The following MTMR3 variants were observed in gnomAD, a reference collection of about 807,000 sequenced individuals.
MTMR3 encodes the protein phosphatidylinositol-3,5-bisphosphate 3-phosphatase MTMR3.
In MTMR3, 32 loss-of-function variants were observed where a neutral mutation model predicts 132.4. The ratio of observed to expected loss-of-function variants is 0.24; its 90% CI spans 0.18 to 0.32. The LOEUF is 0.32. Among genes scored for constraint, MTMR3 ranks in the 10% least tolerant of loss-of-function variants. The pLI is 1.00. For synonymous variants in MTMR3, 556 were observed against 550.3 expected (o/e 1.01, Z -0.14); for missense variants, 1,216 against 1,489.6 (o/e 0.82, Z 3.02).
chr22:29,987,397 C>T (rs1019670272), intron 5 of MTMR3: 1 of 152,214 alleles, frequency 6.6e-6, no homozygotes, highest in Non-Finnish European at 1.5e-5. Flanking sequence ...TTGGAGGAGA[C>T]TGTCCTCCTC....
intron 1 of MTMR3, among the ~76,000 whole-genome samples, chr22:29,944,117 C>T (rs2065909931): frequency 1.3e-5 from 2 of 151,982 alleles, no homozygotes; most frequent in African/African-American, 4.8e-5. Context: ...CTGCATCCGG[C>T]CTCCGTGTGG....
At chr22:30,012,770 A>G (rs2067465999) in intron 13 of MTMR3, 1 of 487,730 alleles carries the variant, frequency 2.1e-6, no homozygotes. Flanking sequence ...ATGGGTAACA[A>G]GGTATTGAGA....
intron 1 of MTMR3, among the ~76,000 whole-genome samples, chr22:29,954,018 A>G (rs57348516): frequency 0.084 from 11,286 of 134,000 alleles, 507 homozygotes; most frequent in African/African-American, 0.1. Flanking sequence ...CTTCTTTCAG[A>G]CTCACCTCTA....
chr22:29,959,673 T>C (rs1363522607), intron 2 of MTMR3, among the ~76,000 whole-genome samples: 1 of 152,138 alleles, frequency 6.6e-6, no homozygotes, highest in Non-Finnish European at 1.5e-5. Flanking sequence ...GCCACTGTGC[T>C]GGCCAGAAAC....
chr22:29,997,812 T>G (rs907997013), intron 7 of MTMR3: 1 of 152,234 alleles, frequency 6.6e-6, no homozygotes, highest in Non-Finnish European at 1.5e-5. Flanking sequence ...TGAGCTGACA[T>G]GAGGCTATTT....
chr22:29,978,511 C>G lies in MTMR3; in HGVS notation c.73C>G (p.Arg25Gly). 6.2e-7 allele frequency: 1 copy of G among 1,613,244 alleles called. No individual in the cohort carries two copies. Among genetic ancestry groups the G allele is most frequent in the Non-Finnish European group, 8.5e-7 (1 of 1,179,482 alleles). The change falls in exon 4 of 20, where the codon CGG becomes GGG. Residue 25 changes from arginine to glycine, a missense_variant. Arg to Gly is a moderately radical substitution (Grantham distance 125). Transcript: ENST00000401950. ...NQIFPRKQLIREDENLQVPFL... is the reference protein window; with the variant it reads ...NQIFPRKQLIGEDENLQVPFL... The stretch of plus-strand genomic sequence containing the variant: ...GATCTTTCCCAGGAAGCAGCTGATC[C>G]GGGAGGATGAGAATCTTCAGGTAAT...
rs11331318 is a variant in MTMR3 at position 29,951,889 on chromosome 22, G to GTTT, written c.-137-5131_-137-5129dup. Among the ~76,000 whole-genome samples the GTTT allele has an allele frequency of 6.2e-3, 813 of 131,352 alleles. 16 individuals carry two copies. The highest frequency in any genetic ancestry group is 0.011 in the East Asian group (48 of 4,256). The allele number at this position is 131,352 out of a possible 152,430, so 86.2% of individuals were successfully genotyped here. A position where few individuals can be genotyped will look rare whatever the true frequency, so the allele number is the denominator to read the frequency against. ...TTCAAGTGATTTATTACAAGTAAAG[G>GTTT]TTTTTTTTTTTTTTTTTTGAGACAG... On this transcript the variant is annotated intron_variant, in intron 1 of 19. Coordinates refer to ENST00000401950, the MANE Select transcript of MTMR3 (RefSeq NM_021090.4).
At chr22:29,903,260 T>C (rs1013355177) in intron 1 of MTMR3, among the ~76,000 whole-genome samples, 22 of 152,080 alleles carry the variant, frequency 1.4e-4, no homozygotes, top group African/African-American at 5.1e-4. Context: ...GAAAAGAGTT[T>C]GCAGGCCATT....
In MTMR3 at chr22:30,016,424, T is replaced by C. The variant is rs1348137958; in HGVS notation, c.1504-104T>C. The C allele has an allele frequency of 3.0e-6, 4 of 1,313,012 alleles. No homozygotes were observed. The African/African-American group carries it at 4.4e-5, about 15-fold the overall frequency. 81.3% of individuals were successfully genotyped at this position (1,313,012 alleles called of 1,614,324 possible). On this transcript the variant is annotated intron_variant, in intron 14 of 19. Transcript: ENST00000401950. ...GGGTTCCCCGTCCTGACAGAGTAAA[T>C]TGAAGTGTTCTCAGGGATGTTAGGA... is the stretch of plus-strand genomic sequence containing the variant.
intron 1 of MTMR3, among the ~76,000 whole-genome samples, chr22:29,941,058 A>G (rs772455042): frequency 2.7e-4 from 41 of 150,038 alleles, no homozygotes; most frequent in Non-Finnish European, 5.3e-4. Flanking sequence ...TCCTTTATGC[A>G]CCGCTTCTAG....
At position 29,885,109 on chromosome 22, in the gene MTMR3, A is replaced by C. The variant is rs145969090; in HGVS notation, c.-138+1750A>C. Among the ~76,000 whole-genome samples, 245 of 152,280 alleles carry C rather than the reference A, an allele frequency of 1.6e-3. 1 individual carries two copies. Among genetic ancestry groups the C allele is most frequent in the African/African-American group, 5.6e-3 (234 of 41,558 alleles). ...AGGCCAGGTTCTTCAGTGGTTGTCT[A>C]GTTTAAGGCTGGTCATTAGAAATAT... On this transcript the variant is annotated intron_variant, in intron 1 of 19. Coordinates refer to ENST00000401950, the MANE Select transcript of MTMR3 (RefSeq NM_021090.4).
chr22:29,950,317 GT>G (rs148952939), intron 1 of MTMR3, among the ~76,000 whole-genome samples: 4,131 of 151,362 alleles, frequency 0.027, 191 homozygotes, highest in African/African-American at 0.096. Flanking sequence ...AATTATAAGG[GT>G]TTTTTCCTTA....
At chr22:29,950,750 C>G (rs906424230) in intron 1 of MTMR3, among the ~76,000 whole-genome samples, 2 of 137,472 alleles carry the variant, frequency 1.5e-5, no homozygotes, top group Admixed American at 1.4e-4. Context: ...AAAATAATGC[C>G]TACCTTGTGA....
chr22:29,893,491 A>G (rs1197403978), intron 1 of MTMR3, among the ~76,000 whole-genome samples: 3 of 152,222 alleles, frequency 2.0e-5, no homozygotes, highest in Admixed American at 2.0e-4. Flanking sequence ...CTGTGAGTGA[A>G]TGAAAAAGAG....
chr22:29,919,536 G>GT (rs1233335864), intron 1 of MTMR3, among the ~76,000 whole-genome samples: 1 of 151,832 alleles, frequency 6.6e-6, no homozygotes, highest in Non-Finnish European at 1.5e-5. Flanking sequence ...TTTTGGGCAT[G>GT]TTTTTTTTGA....
chr22:30,017,474 T>G, intron 15 of MTMR3: 1 of 160,052 alleles, frequency 6.2e-6, no homozygotes, highest in Non-Finnish European at 1.4e-5. Context: ...AGCAGGAAAA[T>G]TTCCTTCTTT....
At chr22:29,976,718 G>A (rs1423831330) in intron 3 of MTMR3, among the ~76,000 whole-genome samples, 1 of 152,170 alleles carries the variant, frequency 6.6e-6, no homozygotes, top group Non-Finnish European at 1.5e-5. Context: ...ATATTATTGG[G>A]AAGGTTTTGA....
At chr22:29,972,051 G>A (rs1181816550) in intron 3 of MTMR3, among the ~76,000 whole-genome samples, 2 of 152,156 alleles carry the variant, frequency 1.3e-5, no homozygotes, top group Non-Finnish European at 2.9e-5. Flanking sequence ...GAAGAGAAAG[G>A]TAACTGCCCT....
intron 2 of MTMR3, among the ~76,000 whole-genome samples, chr22:29,966,010 G>A (rs191267101): frequency 3.3e-5 from 5 of 152,084 alleles, no homozygotes; most frequent in Admixed American, 2.0e-4. Flanking sequence ...TGCCATTATG[G>A]TTAAAAAAAC....
Sources: gnomAD v4.1 joint callset for allele counts (sites outside exome capture counted in the v4.1 genomes callset) on GRCh38, gnomAD v4.1.1 for gene constraint, MANE v1.5 for transcripts, NCBI Gene and HGNC (gene_info 2026-07-23, HGNC 2026-07-21) for gene names.